Variants in ZNF441 observed in about 807,000 individuals in gnomAD.
ZNF441 encodes zinc finger protein 441.
Under a neutral mutation model 64.5 loss-of-function variants are expected in ZNF441, and 25 were observed. The ratio of observed to expected loss-of-function variants is 0.39; its 90% CI spans 0.28 to 0.54. The LOEUF is 0.54. Ranked by LOEUF, ZNF441 falls within the 20% of genes least tolerant of loss-of-function variation. ZNF441 has a pLI of 0.70. For missense variants in ZNF441, 715 were observed against 843.3 expected, an observed-to-expected ratio of 0.85 and a Z score of 1.88; for synonymous variants, 262 against 268.0, an observed-to-expected ratio of 0.98 and a Z score of 0.22.
intron 1 of ZNF441, among the ~76,000 whole-genome samples, chr19:11,772,144 G>C (rs1444168423): frequency 6.6e-6 from 1 of 152,154 alleles, no homozygotes; most frequent in Non-Finnish European, 1.5e-5. Context: ...CCGTCCAGTG[G>C]ACATGTGACC....
rs776548742 is a variant in ZNF441, at chr19:11,780,608, AG to A, written c.785del (p.Ser262IlefsTer38). 1.2e-6 allele frequency: 2 copies of A among 1,614,020 alleles called. No homozygotes were observed. Among genetic ancestry groups the A allele is most frequent in the Admixed American group, 3.3e-5 (2 of 59,994 alleles). ...ATGTAAACAATGTGGGAAAGCCTTC[AG>A]TTGTTCCTGTTACACTCAACTATAT... ...YQCKQCGKAF[S>X]CSCYTQLYER... On this transcript the variant is annotated frameshift_variant, in exon 4 of 4. Transcript: ENST00000357901. LOFTEE classifies it high-confidence loss of function.
At chr19:11,770,248 C>T (rs1233006563) in intron 1 of ZNF441, among the ~76,000 whole-genome samples, 3 of 152,088 alleles carry the variant, frequency 2.0e-5, no homozygotes, top group Non-Finnish European at 4.4e-5. Flanking sequence ...AACTGTCAAA[C>T]ACTTATAAAA....
At chr19:11,769,076 G>A (rs1004852294) in intron 1 of ZNF441, among the ~76,000 whole-genome samples, 2 of 152,186 alleles carry the variant, frequency 1.3e-5, no homozygotes, top group African/African-American at 4.8e-5. Context: ...GGTGAAAGGA[G>A]ATGATGGTAT....
intron 1 of ZNF441, among the ~76,000 whole-genome samples, chr19:11,771,374 C>G (rs413983): frequency 0.51 from 77,032 of 152,056 alleles, 21,628 homozygotes; most frequent in African/African-American, 0.77. Flanking sequence ...TGAAGAAATT[C>G]AATCAATAAA....
chr19:11,767,665 C>G lies in ZNF441; in HGVS notation c.3+469C>G, dbSNP rs1229503294. On this transcript the variant is annotated intron_variant, in intron 1 of 3. Coordinates refer to ENST00000357901, the MANE Select transcript of ZNF441 (RefSeq NM_152355.3). The surrounding 1 kb of genome is among the most constrained non-coding windows in gnomAD (Gnocchi z 5.1). ...GATGGTGGGGAAGTGAGGGGTGACT[C>G]TTGGGACTGGAGGTGAAGAAACCGC... Among the ~76,000 whole-genome samples, 1 of 152,124 alleles carries G rather than the reference C, an allele frequency of 6.6e-6. No homozygotes were observed. The highest frequency in any genetic ancestry group is 2.4e-5 in the African/African-American group (1 of 41,424).
Position 11,780,988 on chromosome 19 carries a change from G to T in ZNF441, c.1164G>T (p.Gly388=). 1 of 1,613,564 alleles carries T rather than the reference G, an allele frequency of 6.2e-7. No individual in the cohort carries two copies. The change falls in exon 4 of 4, where the codon GGG becomes GGT. Residue 388 remains glycine, a synonymous_variant. Coordinates refer to ENST00000357901, the MANE Select transcript of ZNF441 (RefSeq NM_152355.3). ...GAAGGCATGAAACAACTCATACTGG[G>T]GAGAAACCCTATAAATGTGAATGTG... The part of the protein sequence containing the change: ...LCRRHETTHT[G]EKPYKCECGK...
chr19:11,776,842 C>G (rs1273241140), intron 1 of ZNF441, among the ~76,000 whole-genome samples: 1 of 150,460 alleles, frequency 6.6e-6, no homozygotes, highest in Non-Finnish European at 1.5e-5. Context: ...GAGTTTCTCT[C>G]TTGTTGCCCA....
Position 11,780,841 on chromosome 19 carries a change from G to A in ZNF441, c.1017G>A (p.Lys339=). The change falls in exon 4 of 4, where the codon AAG becomes AAA. Residue 339 remains lysine (K), a synonymous_variant. Coordinates refer to ENST00000357901, the MANE Select transcript of ZNF441 (RefSeq NM_152355.3). ...CTGGAGAGAAACCGTATGAATGTAA[G>A]TATTGTGGGAAAGCATTCTCTGATT... ...THTGEKPYEC[K]YCGKAFSDCT... 7 of 1,613,898 alleles carry A rather than the reference G, an allele frequency of 4.3e-6. No individual in the cohort carries two copies. The highest frequency in any genetic ancestry group is 5.9e-6 in the Non-Finnish European group (7 of 1,179,960).
At position 11,781,897 on chromosome 19, in the gene ZNF441, G is replaced by C; in HGVS notation, c.2073G>C (p.Met691Ile). Residue 691 changes from methionine (M) to isoleucine (I), a missense_variant, in exon 4 of 4, where the codon ATG becomes ATC. By Grantham distance (10) the Met-to-Ile change is conservative. Around this residue, in one of 2 missense-constraint regions of ZNF441, gnomAD observed 316 missense variants for 429.3 expected, o/e 0.74. Coordinates refer to ENST00000357901, the MANE Select transcript of ZNF441 (RefSeq NM_152355.3). ...HCISSFHKHE[M>I]TH ...TCAGTTCCTTTCATAAACATGAAAT[G>C]ACTCACTAGAGAAAACCCCTATGAG... 1 of 1,586,478 alleles carries C rather than the reference G, an allele frequency of 6.3e-7. No individual in the cohort carries two copies. The highest frequency in any genetic ancestry group is 8.6e-7 in the Non-Finnish European group (1 of 1,164,814).
chr19:11,777,142 T>A (rs1197946662), intron 1 of ZNF441, among the ~76,000 whole-genome samples: 2 of 152,168 alleles, frequency 1.3e-5, no homozygotes, highest in Non-Finnish European at 2.9e-5. Flanking sequence ...TAGTCTGTTT[T>A]TTGTTGCTTA....
chr19:11,776,998 C>T (rs1399607698), intron 1 of ZNF441, among the ~76,000 whole-genome samples: 2 of 152,042 alleles, frequency 1.3e-5, no homozygotes, highest in Non-Finnish European at 2.9e-5. Flanking sequence ...TTAGTAGAGA[C>T]AGTGTTTCTC....
chr19:11,781,534 T>C lies in ZNF441; in HGVS notation c.1710T>C (p.Asp570=). Residue 570 remains aspartate, a synonymous_variant, in exon 4 of 4, where the codon GAT becomes GAC. Coordinates refer to ENST00000357901, the MANE Select transcript of ZNF441 (RefSeq NM_152355.3). ...GCQQCGKALS[D]LSSFRRHMIT... ...AGCAATGTGGGAAAGCATTATCTGA[T>C]CTCTCAAGCTTTCGAAGACACATGA... The C allele has an allele frequency of 1.2e-6, 2 of 1,614,056 alleles. No individual in the cohort carries two copies. Among genetic ancestry groups the C allele is most frequent in the Non-Finnish European group, 1.7e-6 (2 of 1,180,008 alleles).
In ZNF441 at chr19:11,783,363, A is replaced by G. The variant is rs1352241684; in HGVS notation, c.*1457A>G. The G allele has an allele frequency of 3.9e-5, 6 of 152,228 alleles. No individual in the cohort carries two copies. Among genetic ancestry groups the G allele is most frequent in the Non-Finnish European group, 8.8e-5 (6 of 68,028 alleles). The allele number at this position is 152,228 out of a possible 1,614,324, so 9.4% of individuals were successfully genotyped here. On this transcript the variant is annotated 3_prime_UTR_variant, in exon 4 of 4. Coordinates refer to ENST00000357901, the MANE Select transcript of ZNF441 (RefSeq NM_152355.3). ...TATAAATTAGAACAACTACTGTGGA[A>G]AACAGTATGTAGATTTCTCAAAAAC...
chr19:11,778,062 A>G (rs1362762364), intron 2 of ZNF441: 1 of 438,898 alleles, frequency 2.3e-6, no homozygotes, highest in Admixed American at 4.1e-5. Flanking sequence ...TTTAGTATTC[A>G]TAGAAAATAC....
rs142524396 is a variant in ZNF441, at chr19:11,782,327, A to G, written c.*421A>G. ...TGAATACAGTCTTCTCTAGTTTCTG[A>G]GGTGAATTGATTCCAGCACCCTCAG... On this transcript the variant is annotated 3_prime_UTR_variant, in exon 4 of 4. Coordinates refer to ENST00000357901, the MANE Select transcript of ZNF441 (RefSeq NM_152355.3). 1.3e-5 allele frequency: 2 copies of G among 154,624 alleles called. No individual in the cohort carries two copies. Among genetic ancestry groups the G allele is most frequent in the African/African-American group, 4.8e-5 (2 of 41,606 alleles). The allele number at this position is 154,624 out of a possible 1,614,324, so 9.6% of individuals were successfully genotyped here. A position where few individuals can be genotyped will look rare whatever the true frequency, so the allele number is the denominator to read the frequency against.
Position 11,780,999 on chromosome 19 carries a change from A to G in ZNF441, c.1175A>G (p.Tyr392Cys), listed in dbSNP as rs1599271977. ...ACAACTCATACTGGGGAGAAACCCT[A>G]TAAATGTGAATGTGGGAAAGCCTTT... ...HETTHTGEKP[Y>C]KCECGKAFSD... is the part of the protein sequence containing the mutation. The change falls in exon 4 of 4, where the codon TAT (tyrosine) becomes TGT (cysteine). Residue 392 changes from tyrosine to cysteine, a missense_variant. Physicochemically the swap from Tyr to Cys is radical, Grantham distance 194. Coordinates refer to ENST00000357901, the MANE Select transcript of ZNF441 (RefSeq NM_152355.3). The G allele has an allele frequency of 6.2e-7, 1 of 1,614,074 alleles. No individual in the cohort carries two copies. Among genetic ancestry groups the G allele is most frequent in the Non-Finnish European group, 8.5e-7 (1 of 1,179,996 alleles).
chr19:11,769,168 C>T (rs973998380), intron 1 of ZNF441, among the ~76,000 whole-genome samples: 2 of 152,102 alleles, frequency 1.3e-5, no homozygotes, highest in African/African-American at 2.4e-5. Flanking sequence ...CATAAAACCC[C>T]TTTTTTGGTA....
At position 11,783,221 on chromosome 19, in the gene ZNF441, T is replaced by C. The variant is rs1975417996; in HGVS notation, c.*1315T>C. ...TCAACATCACTAATGATTAGGAAAATGCAAATTGAAACCACAATGAGATAC... is the reference window on the plus strand; with the variant it reads ...TCAACATCACTAATGATTAGGAAAACGCAAATTGAAACCACAATGAGATAC... On this transcript the variant is annotated 3_prime_UTR_variant, in exon 4 of 4. Transcript: ENST00000357901. 2 of 151,940 alleles carry C rather than the reference T, an allele frequency of 1.3e-5. No individual in the cohort carries two copies. Among genetic ancestry groups the C allele is most frequent in the South Asian group, 4.1e-4 (2 of 4,824 alleles). 9.4% of individuals were successfully genotyped at this position (151,940 alleles called of 1,614,324 possible). A position where few individuals can be genotyped will look rare whatever the true frequency, so the allele number is the denominator to read the frequency against.
intron 1 of ZNF441, among the ~76,000 whole-genome samples, chr19:11,773,843 C>T (rs915199578): frequency 1.3e-5 from 2 of 152,082 alleles, no homozygotes; most frequent in African/African-American, 4.8e-5. Flanking sequence ...TTGTGCACAT[C>T]GATGGGCCTT....
Sources: gnomAD v4.1 joint callset for allele counts (sites outside exome capture counted in the v4.1 genomes callset) on GRCh38, gnomAD v4.1.1 for gene constraint, gnomAD v4.1.1 regional missense constraint, Gnocchi (gnomAD v3.1) non-coding constraint, MANE v1.5 for transcripts, NCBI Gene and HGNC (gene_info 2026-07-23, HGNC 2026-07-21) for gene names.